SCOC: variants seen among roughly 807,000 people sequenced by gnomAD.
SCOC encodes the protein short coiled coil protein.
Under a neutral mutation model 9.9 loss-of-function variants are expected in SCOC, and 7 were observed. That is an observed-to-expected ratio of 0.71 (90% CI 0.40 to 1.33). The LOEUF is 1.33. Ranked by LOEUF, SCOC falls within the 40% of genes most tolerant of loss-of-function variation. SCOC has a pLI of 0.01. For missense variants in SCOC, 66 were observed against 89.7 expected, an observed-to-expected ratio of 0.74 and a Z score of 1.07; for synonymous variants, 19 against 28.2, an observed-to-expected ratio of 0.67 and a Z score of 1.03.
At chr4:140,271,154 A>T (rs193299290) in intron 1 of SCOC, among the ~76,000 whole-genome samples, 2 of 152,296 alleles carry the variant, frequency 1.3e-5, no homozygotes, top group Non-Finnish European at 1.5e-5. Context: ...GTCACAGAAG[A>T]CTTGTGGAAA....
intron 1 of SCOC, among the ~76,000 whole-genome samples, chr4:140,326,810 C>T (rs1307428641): frequency 6.6e-6 from 1 of 152,140 alleles, no homozygotes; most frequent in Admixed American, 6.5e-5. Flanking sequence ...ATGAATTAGA[C>T]ACAAAGAACT....
chr4:140,323,887 C>T (rs79568300), intron 1 of SCOC, among the ~76,000 whole-genome samples: 7,385 of 152,098 alleles, frequency 0.049, 238 homozygotes, highest in Middle Eastern at 0.12. Context: ...AAGCATTACC[C>T]TAAGACTCAA....
chr4:140,260,460 T>C (rs1294454472), intron 1 of SCOC, among the ~76,000 whole-genome samples: 1 of 152,222 alleles, frequency 6.6e-6, no homozygotes, highest in East Asian at 1.9e-4. Context: ...TGTGAGGTCA[T>C]CTTGACCAGT....
chr4:140,377,090 T>C (rs1728374870), intron 1 of SCOC, among the ~76,000 whole-genome samples: 1 of 152,230 alleles, frequency 6.6e-6, no homozygotes, highest in African/African-American at 2.4e-5. Context: ...ACGATCACTT[T>C]TGCTTTTGGC....
intron 1 of SCOC, among the ~76,000 whole-genome samples, chr4:140,374,768 C>A (rs1006536957): frequency 6.6e-6 from 1 of 152,150 alleles, no homozygotes; most frequent in Non-Finnish European, 1.5e-5. Flanking sequence ...AAAGCATGGA[C>A]TGTGAAGTTA....
chr4:140,369,113 A>C (rs1727931730), upstream of SCOC, among the ~76,000 whole-genome samples: 1 of 152,238 alleles, frequency 6.6e-6, no homozygotes, highest in South Asian at 2.1e-4. Context: ...TTGAACAAAT[A>C]AATGAAAATG....
intron 1 of SCOC, among the ~76,000 whole-genome samples, chr4:140,304,262 T>C (rs1008101619): frequency 3.4e-4 from 51 of 152,132 alleles, no homozygotes; most frequent in African/African-American, 1.2e-3. Flanking sequence ...AAACAGGGTT[T>C]TGTTGTTGTT....
chr4:140,369,574 G>A (rs1032182747), upstream of SCOC, among the ~76,000 whole-genome samples: 8 of 152,142 alleles, frequency 5.3e-5, no homozygotes, highest in Non-Finnish European at 8.8e-5. Flanking sequence ...TGTGCACAAT[G>A]AGAGTGTGCC....
chr4:140,258,129 C>T (rs1423892290), intron 1 of SCOC, among the ~76,000 whole-genome samples: 1 of 152,228 alleles, frequency 6.6e-6, no homozygotes, highest in Non-Finnish European at 1.5e-5. Flanking sequence ...TGCGGAGGTG[C>T]TCTTTCCACC....
At chr4:140,372,213 G>T (rs780820439), upstream of SCOC, among the ~76,000 whole-genome samples, 1 of 152,174 alleles carries the variant, frequency 6.6e-6, no homozygotes, top group Non-Finnish European at 1.5e-5. Flanking sequence ...AATGTGGAAT[G>T]TATCTTATAC....
At chr4:140,378,512 T>C (rs1321614908) in intron 1 of SCOC, among the ~76,000 whole-genome samples, 1 of 152,144 alleles carries the variant, frequency 6.6e-6, no homozygotes, top group Admixed American at 6.5e-5. Context: ...AGAGGATTGC[T>C]TGGGTCCAGG....
intron 1 of SCOC, chr4:140,291,490 C>A (rs1333988923): frequency 2.2e-6 from 1 of 457,278 alleles, no homozygotes; most frequent in Admixed American, 2.3e-5. Flanking sequence ...GATCCATATG[C>A]CATTCTGCAG....
chr4:140,377,232 C>T (rs771721379), intron 1 of SCOC, among the ~76,000 whole-genome samples: 1 of 152,206 alleles, frequency 6.6e-6, no homozygotes, highest in African/African-American at 2.4e-5. Flanking sequence ...CAAGTTTTCA[C>T]TGACACTCTT....
At chr4:140,320,197 A>G (rs1732458094) in intron 1 of SCOC, among the ~76,000 whole-genome samples, 1 of 152,176 alleles carries the variant, frequency 6.6e-6, no homozygotes, top group Admixed American at 6.5e-5. Flanking sequence ...GGCCACGAAG[A>G]GTAACCTCTG....
chr4:140,305,728 T>C (rs193295859), intron 1 of SCOC, among the ~76,000 whole-genome samples: 1 of 151,910 alleles, frequency 6.6e-6, no homozygotes, highest in South Asian at 2.1e-4. Flanking sequence ...TATGCAAAAG[T>C]CTGCAATTGG....
intron 2 of SCOC, among the ~76,000 whole-genome samples, chr4:140,353,377 G>C (rs1578846020): frequency 6.6e-6 from 1 of 151,846 alleles, no homozygotes; most frequent in Non-Finnish European, 1.5e-5. Context: ...TGCTTTCCTA[G>C]ATAGGCGTTA....
At chr4:140,269,109 ATTTGC>A (rs1322620550) in intron 1 of SCOC, among the ~76,000 whole-genome samples, 2 of 152,132 alleles carry the variant, frequency 1.3e-5, no homozygotes, top group Non-Finnish European at 2.9e-5. Context: ...GCCCTAGGTC[ATTTGC>A]TTACTTGTTT....
chr4:140,276,189 A>C (rs1174575516), intron 1 of SCOC, among the ~76,000 whole-genome samples: 1 of 152,078 alleles, frequency 6.6e-6, no homozygotes, highest in Admixed American at 6.5e-5. Flanking sequence ...TTTTTAGTAG[A>C]GATGGGGTTT....
chr4:140,351,877 T>C (rs192905719), intron 2 of SCOC, among the ~76,000 whole-genome samples: 3 of 152,276 alleles, frequency 2.0e-5, no homozygotes, highest in East Asian at 3.9e-4. Context: ...CACTGAGCCA[T>C]AGCAGGAGTC....
Sources: allele counts gnomAD v4.1 joint callset (sites outside exome capture counted in the v4.1 genomes callset), GRCh38; gene constraint gnomAD v4.1.1; transcripts MANE v1.5; gene names NCBI Gene and HGNC (gene_info 2026-07-23, HGNC 2026-07-21).